The following CRACD variants were observed in gnomAD, a reference collection of about 807,000 sequenced individuals.
CRACD encodes capping protein inhibiting regulator of actin dynamics, also known as capping protein-inhibiting regulator of actin dynamics.
In CRACD, 56 loss-of-function variants were observed where a neutral mutation model predicts 106.8. The ratio of observed to expected loss-of-function variants is 0.52; its 90% CI spans 0.42 to 0.66. CRACD has a LOEUF of 0.66. CRACD is among the 30% of genes least tolerant of loss of function. The pLI is 0.00. For missense variants in CRACD, 1,730 were observed against 1,623.2 expected, an observed-to-expected ratio of 1.07 and a Z score of -1.13; for synonymous variants, 754 against 670.8, an observed-to-expected ratio of 1.12 and a Z score of -1.92.
At chr4:56,247,660 G>A (rs972164978) in intron 2 of CRACD, among the ~76,000 whole-genome samples, 1 of 152,078 alleles carries the variant, frequency 6.6e-6, no homozygotes, top group African/African-American at 2.4e-5. Context: ...AGCCTGGCCA[G>A]CAGGGCAAAA....
chr4:56,219,227 G>A (rs1377514421), intron 2 of CRACD, among the ~76,000 whole-genome samples: 1 of 152,196 alleles, frequency 6.6e-6, no homozygotes, highest in Non-Finnish European at 1.5e-5. Context: ...GAGGATTCTG[G>A]TGGGCTAGAC....
intron 1 of CRACD, among the ~76,000 whole-genome samples, chr4:56,065,892 T>C (rs1298849932): frequency 6.6e-6 from 1 of 152,188 alleles, no homozygotes; most frequent in Non-Finnish European, 1.5e-5. Flanking sequence ...TCTGTGTCTA[T>C]GAATTTGCCT....
chr4:56,076,826 C>T (rs972332483), intron 1 of CRACD, among the ~76,000 whole-genome samples: 6 of 152,178 alleles, frequency 3.9e-5, no homozygotes, highest in Non-Finnish European at 8.8e-5. Flanking sequence ...TATCTGTCAT[C>T]GCTGAATTTC....
At chr4:56,111,682 T>A (rs1450118009) in intron 1 of CRACD, among the ~76,000 whole-genome samples, 1 of 149,326 alleles carries the variant, frequency 6.7e-6, no homozygotes, top group East Asian at 2.0e-4. Flanking sequence ...GCCCAGCTAA[T>A]TTTTTTTTTG....
chr4:56,313,328 T>C lies in CRACD; in HGVS notation c.486T>C (p.Ala162=). 1 of 1,614,212 alleles carries C rather than the reference T, an allele frequency of 6.2e-7. No homozygotes were observed. Among genetic ancestry groups the C allele is most frequent in the South Asian group, 1.1e-5 (1 of 91,086 alleles). Residue 162 remains alanine, a synonymous_variant, in exon 7 of 11, where the codon GCT becomes GCC. Transcript: ENST00000682029. The part of the protein sequence containing the change: ...LDNSAAKHKL[A]VKPKKQRVSK... ...ACAGTGCCGCCAAGCACAAGCTGGC[T>C]GTTAAGCCAAAAAAACAGAGGGTGT...
chr4:56,269,826 T>G (rs1742244820), intron 2 of CRACD, among the ~76,000 whole-genome samples: 1 of 152,090 alleles, frequency 6.6e-6, no homozygotes, highest in African/African-American at 2.4e-5. Flanking sequence ...TCCGCCCCCA[T>G]GATCCAGTCA....
chr4:56,084,381 A>T (rs1451498405), intron 1 of CRACD, among the ~76,000 whole-genome samples: 1 of 152,204 alleles, frequency 6.6e-6, no homozygotes, highest in Non-Finnish European at 1.5e-5. Context: ...CTCAATAAAG[A>T]CACTGAACCT....
chr4:56,092,902 C>T (rs969014921), intron 1 of CRACD, among the ~76,000 whole-genome samples: 42 of 152,280 alleles, frequency 2.8e-4, no homozygotes, highest in African/African-American at 8.9e-4. Flanking sequence ...TGAGCCACCA[C>T]GCTCGGCCTC....
intron 2 of CRACD, among the ~76,000 whole-genome samples, chr4:56,221,854 A>T (rs1174704145): frequency 6.6e-6 from 1 of 152,166 alleles, no homozygotes; most frequent in Non-Finnish European, 1.5e-5. Context: ...ACCTTACCCG[A>T]GCCAGAATGG....
intron 1 of CRACD, among the ~76,000 whole-genome samples, chr4:56,055,376 G>C (rs1196169112): frequency 6.6e-6 from 1 of 151,788 alleles, no homozygotes; most frequent in Non-Finnish European, 1.5e-5. Flanking sequence ...GTTAACAATG[G>C]GCTGTTTCCT....
intron 2 of CRACD, among the ~76,000 whole-genome samples, chr4:56,181,716 T>C (rs1449640313): frequency 6.6e-6 from 1 of 152,196 alleles, no homozygotes; most frequent in African/African-American, 2.4e-5. Context: ...TCGGCGTTCC[T>C]GGGCTGCAGC....
At chr4:56,293,511 T>C (rs1383125686) in intron 3 of CRACD, among the ~76,000 whole-genome samples, 1 of 152,188 alleles carries the variant, frequency 6.6e-6, no homozygotes, top group Non-Finnish European at 1.5e-5. Context: ...TACCTGAGAC[T>C]GGGTAATTTA....
intron 4 of CRACD, chr4:56,301,370 C>A: frequency 2.2e-6 from 1 of 448,976 alleles, no homozygotes; most frequent in African/African-American, 2.1e-5. Flanking sequence ...CTTGTAGATG[C>A]CAGCATGGAA....
intron 1 of CRACD, among the ~76,000 whole-genome samples, chr4:56,086,788 C>G (rs893741556): frequency 6.6e-6 from 1 of 152,130 alleles, no homozygotes; most frequent in Non-Finnish European, 1.5e-5. Flanking sequence ...TGGCCCCCAT[C>G]AATGCCACGT....
At chr4:56,141,295 T>C (rs1416297020) in intron 1 of CRACD, among the ~76,000 whole-genome samples, 2 of 152,124 alleles carry the variant, frequency 1.3e-5, no homozygotes, top group South Asian at 2.1e-4. Flanking sequence ...ATGGGAAGGA[T>C]TGAAATGCCA....
intron 3 of CRACD, among the ~76,000 whole-genome samples, chr4:56,277,472 C>T (rs1168863323): frequency 6.8e-6 from 1 of 146,568 alleles, no homozygotes; most frequent in African/African-American, 2.5e-5. Flanking sequence ...AAAAAATAGA[C>T]AACACTGGAA....
chr4:56,312,169 T>TTG (rs139686397), intron 6 of CRACD, among the ~76,000 whole-genome samples: 2 of 152,066 alleles, frequency 1.3e-5, no homozygotes. Flanking sequence ...ACCAAAACTT[T>TTG]TGTGTGTGTG....
chr4:56,150,809 TG>T (rs1735552695), intron 1 of CRACD, among the ~76,000 whole-genome samples: 1 of 152,178 alleles, frequency 6.6e-6, no homozygotes, highest in African/African-American at 2.4e-5. Context: ...TTTCAGTTTT[TG>T]ATTCTTACGA....
At chr4:56,182,861 ATATGTG>A (rs1475871918) in intron 2 of CRACD, among the ~76,000 whole-genome samples, 8 of 101,992 alleles carry the variant, frequency 7.8e-5, no homozygotes, top group African/African-American at 2.2e-4. Flanking sequence ...GAAAAAAAAG[ATATGTG>A]TGTGTGTGTG....
Sources: gnomAD v4.1 joint callset for allele counts (sites outside exome capture counted in the v4.1 genomes callset) on GRCh38, gnomAD v4.1.1 for gene constraint, MANE v1.5 for transcripts, NCBI Gene and HGNC (gene_info 2026-07-23, HGNC 2026-07-21) for gene names.